Variants in UBE2E2 observed in about 807,000 individuals in gnomAD.
UBE2E2 encodes the protein ubiquitin conjugating enzyme E2 E2, also known as ubiquitin-conjugating enzyme E2 E2.
In UBE2E2, 6 loss-of-function variants were observed where a neutral mutation model predicts 24.7. That is an observed-to-expected ratio of 0.24 (90% CI 0.13 to 0.48). UBE2E2 has a LOEUF of 0.48. Among genes scored for constraint, UBE2E2 ranks in the 20% least tolerant of loss-of-function variants. UBE2E2 has a pLI of 0.99. For missense variants in UBE2E2, 169 were observed against 245.0 expected, an observed-to-expected ratio of 0.69 and a Z score of 2.07; for synonymous variants, 104 against 83.6, an observed-to-expected ratio of 1.24 and a Z score of -1.33.
At chr3:23,248,392 A>G (rs989402879) in intron 3 of UBE2E2, among the ~76,000 whole-genome samples, 1 of 152,258 alleles carries the variant, frequency 6.6e-6, no homozygotes, top group African/African-American at 2.4e-5. Context: ...GACTGAAGGA[A>G]AAGTTAGGCG....
chr3:23,421,019 T>C (rs985756376), intron 3 of UBE2E2, among the ~76,000 whole-genome samples: 1 of 152,212 alleles, frequency 6.6e-6, no homozygotes, highest in African/African-American at 2.4e-5. Flanking sequence ...GGAGGGAAGA[T>C]TTGACTTAAT....
intron 3 of UBE2E2, among the ~76,000 whole-genome samples, chr3:23,236,287 AC>A (rs1171142619): frequency 6.6e-6 from 1 of 152,104 alleles, no homozygotes; most frequent in East Asian, 1.9e-4. Context: ...GTAAATAAAG[AC>A]TATTTAGTGG....
At chr3:23,586,216 G>A (rs1483744408) in intron 5 of UBE2E2, among the ~76,000 whole-genome samples, 2 of 152,076 alleles carry the variant, frequency 1.3e-5, no homozygotes, top group Non-Finnish European at 2.9e-5. Context: ...AAAATCATAG[G>A]GACATGTAAA....
chr3:23,383,929 A>G (rs575806550), intron 3 of UBE2E2, among the ~76,000 whole-genome samples: 2 of 149,984 alleles, frequency 1.3e-5, no homozygotes, highest in South Asian at 4.2e-4. Flanking sequence ...TTCATGCCAT[A>G]TAAAACTATT....
chr3:23,540,483 C>T lies in UBE2E2; in HGVS notation c.508+7782C>T, dbSNP rs1695369992. ...GCAATGGTGCGATCTCAGCTCACTG[C>T]AACTTCCACTTGCTGGGTTCAAGCA... On this transcript the variant is annotated intron_variant, in intron 5 of 5. Coordinates refer to ENST00000396703, the MANE Select transcript of UBE2E2 (RefSeq NM_152653.4). Among the ~76,000 whole-genome samples, 2 of 152,154 alleles carry T rather than the reference C, an allele frequency of 1.3e-5. 1 individual carries two copies. The highest frequency in any genetic ancestry group is 1.3e-4 in the Admixed American group (2 of 15,252).
intron 4 of UBE2E2, among the ~76,000 whole-genome samples, chr3:23,504,912 CT>C (rs150970405): frequency 1.7e-3 from 159 of 94,984 alleles, no homozygotes; most frequent in Admixed American, 2.3e-3. Context: ...GACATTCTTT[CT>C]TTTTTTTTTT....
At chr3:23,444,407 A>G (rs1698379602) in intron 3 of UBE2E2, among the ~76,000 whole-genome samples, 1 of 152,070 alleles carries the variant, frequency 6.6e-6, no homozygotes, top group African/African-American at 2.4e-5. Context: ...TCAGATCTTC[A>G]AGTTTATTGG....
chr3:23,538,880 G>A (rs1379200600), intron 5 of UBE2E2, among the ~76,000 whole-genome samples: 1 of 152,128 alleles, frequency 6.6e-6, no homozygotes, highest in East Asian at 1.9e-4. Flanking sequence ...TGTCAATTCT[G>A]TAAAAATAAA....
chr3:23,399,778 T>C (rs778508), intron 3 of UBE2E2, among the ~76,000 whole-genome samples: 86,987 of 151,990 alleles, frequency 0.57, 25,197 homozygotes, highest in East Asian at 0.65. Flanking sequence ...TCAACAATAC[T>C]TTACATTATA....
At chr3:23,328,328 G>T (rs1694961742) in intron 3 of UBE2E2, among the ~76,000 whole-genome samples, 1 of 152,048 alleles carries the variant, frequency 6.6e-6, no homozygotes, top group Non-Finnish European at 1.5e-5. Context: ...AAATTTTTTT[G>T]ACTTTATGAT....
chr3:23,505,139 T>C (rs1694416389), intron 4 of UBE2E2, among the ~76,000 whole-genome samples: 1 of 150,914 alleles, frequency 6.6e-6, no homozygotes, highest in Admixed American at 6.6e-5. Flanking sequence ...CAGGCTGGTC[T>C]TGAACTCCGG....
chr3:23,216,642 AG>A (rs1367647566), intron 2 of UBE2E2, among the ~76,000 whole-genome samples: 2 of 150,632 alleles, frequency 1.3e-5, no homozygotes, highest in Non-Finnish European at 2.9e-5. Flanking sequence ...TAAAAATAAA[AG>A]TAGAATGTAA....
chr3:23,490,412 A>G (rs576187691), intron 3 of UBE2E2, among the ~76,000 whole-genome samples: 1 of 152,366 alleles, frequency 6.6e-6, no homozygotes, highest in South Asian at 2.1e-4. Flanking sequence ...GCTTAAAAAG[A>G]AAAGGAAGAA....
intron 3 of UBE2E2, among the ~76,000 whole-genome samples, chr3:23,478,894 A>AT (rs746397316): frequency 0.052 from 1,507 of 28,738 alleles, 18 homozygotes; most frequent in Non-Finnish European, 0.09. Flanking sequence ...ATATATATAT[A>AT]TATTTTTTTT....
chr3:23,322,682 G>A (rs1453004685), intron 3 of UBE2E2, among the ~76,000 whole-genome samples: 5 of 151,874 alleles, frequency 3.3e-5, no homozygotes, highest in South Asian at 2.1e-4. Flanking sequence ...ATGTAACTTC[G>A]TAAGCTTTAC....
chr3:23,298,272 C>T lies in UBE2E2; in HGVS notation c.227+80960C>T, dbSNP rs558640911. On this transcript the variant is annotated intron_variant, in intron 3 of 5. Coordinates refer to ENST00000396703, the MANE Select transcript of UBE2E2 (RefSeq NM_152653.4). Reference sequence around the variant, plus strand: ...ACTTCCTCTTTTCCTAATTGAATGCCCTTTATTTCCTTCTCCTGCCTAATT... The same window carrying T: ...ACTTCCTCTTTTCCTAATTGAATGCTCTTTATTTCCTTCTCCTGCCTAATT... 3.7e-3 allele frequency among the ~76,000 whole-genome samples: 556 copies of T among 152,128 alleles called. 4 individuals carry two copies. Among genetic ancestry groups the T allele is most frequent in the African/African-American group, 0.013 (531 of 41,518 alleles).
intron 3 of UBE2E2, among the ~76,000 whole-genome samples, chr3:23,456,510 A>G (rs1433432606): frequency 6.6e-6 from 1 of 152,344 alleles, no homozygotes; most frequent in Admixed American, 6.5e-5. Flanking sequence ...TTTATGGGCT[A>G]CAGAATGGTT....
intron 3 of UBE2E2, among the ~76,000 whole-genome samples, chr3:23,310,314 T>TTTTTTTA (rs59973241): frequency 1.3e-5 from 2 of 151,182 alleles, no homozygotes; most frequent in African/African-American, 2.4e-5. Flanking sequence ...TTTTTTTTTT[T>TTTTTTTA]ACAAAAATTC....
intron 4 of UBE2E2, among the ~76,000 whole-genome samples, chr3:23,517,571 T>TCAATA (rs1694770511): frequency 6.6e-6 from 1 of 152,202 alleles, no homozygotes; most frequent in South Asian, 2.1e-4. Flanking sequence ...CAAATACATG[T>TCAATA]CAATATCCTC....
Sources: gnomAD v4.1 joint callset for allele counts (sites outside exome capture counted in the v4.1 genomes callset) on GRCh38, gnomAD v4.1.1 for gene constraint, MANE v1.5 for transcripts, NCBI Gene and HGNC (gene_info 2026-07-23, HGNC 2026-07-21) for gene names.